KALRN: variants seen among roughly 807,000 people sequenced by gnomAD.
The protein encoded by KALRN is kalirin.
KALRN carries 70 observed loss-of-function variants against 353.7 expected under a neutral mutation model. That is an observed-to-expected ratio of 0.20 (90% CI 0.16 to 0.24). The LOEUF (loss-of-function observed/expected upper bound fraction) is 0.24, where lower values mean the gene tolerates loss of function less well. Among genes scored for constraint, KALRN ranks in the 10% least tolerant of loss-of-function variants. KALRN has a pLI of 1.00. For synonymous variants in KALRN, 1,391 were observed against 1,434.8 expected (o/e 0.97, Z 0.69); for missense variants, 2,791 against 3,756.7 (o/e 0.74, Z 6.72).
rs1469504946 is a variant in KALRN, at chr3:124,725,003, A to G, written c.*5533A>G. 6.6e-6 allele frequency: 1 copy of G among 152,254 alleles called. No individual in the cohort carries two copies. Among genetic ancestry groups the G allele is most frequent in the Non-Finnish European group, 1.5e-5 (1 of 68,050 alleles). The allele number at this position is 152,254 out of a possible 1,614,324, so 9.4% of individuals were successfully genotyped here. A position where few individuals can be genotyped will look rare whatever the true frequency, so the allele number is the denominator to read the frequency against. On this transcript the variant is annotated 3_prime_UTR_variant, in exon 60 of 60. Coordinates refer to ENST00000682506, the MANE Select transcript of KALRN (RefSeq NM_001388419.1). Reference sequence around the variant, plus strand: ...AACTGCTATTTCAGATAGTGAGGTTAGCTGAGAAAAGGAAGCATGGTAGAA... The same window carrying G: ...AACTGCTATTTCAGATAGTGAGGTTGGCTGAGAAAAGGAAGCATGGTAGAA...
At chr3:124,651,008 G>T in intron 38 of KALRN, 70 bp downstream of exon 38, 1 of 1,577,124 alleles carries the variant, frequency 6.3e-7, no homozygotes, top group Non-Finnish European at 8.6e-7. Flanking sequence ...AAAGGTTGGG[G>T]AAAATTCGAG....
chr3:124,293,996 C>T (rs112525201), intron 5 of KALRN, among the ~76,000 whole-genome samples: 1 of 151,950 alleles, frequency 6.6e-6, no homozygotes, highest in South Asian at 2.1e-4. Context: ...TCAGCCATCC[C>T]CAGACACCTG....
intron 3 of KALRN, among the ~76,000 whole-genome samples, chr3:124,240,720 G>C (rs2080332350): frequency 6.6e-6 from 1 of 152,122 alleles, no homozygotes; most frequent in African/African-American, 2.4e-5. Context: ...GGGTAGTGGA[G>C]AGAAGATACA....
intron 33 of KALRN, among the ~76,000 whole-genome samples, chr3:124,531,041 G>A (rs936374576): frequency 6.6e-6 from 1 of 152,090 alleles, no homozygotes; most frequent in Non-Finnish European, 1.5e-5. Flanking sequence ...AGGCCCTCAG[G>A]GATTCTCTGG....
intron 34 of KALRN, among the ~76,000 whole-genome samples, chr3:124,615,569 T>C (rs1415707678): frequency 1.3e-5 from 2 of 152,200 alleles, no homozygotes; most frequent in Admixed American, 1.3e-4. Flanking sequence ...AATGTTAACA[T>C]TGGAGGAATC....
intron 1 of KALRN, among the ~76,000 whole-genome samples, chr3:124,204,853 C>G (rs144084447): frequency 1.3e-5 from 2 of 152,292 alleles, no homozygotes; most frequent in East Asian, 3.9e-4. Context: ...GCCTCCCCAC[C>G]TAAAACTAGT....
intron 1 of KALRN, among the ~76,000 whole-genome samples, chr3:124,149,586 A>T (rs115799549): frequency 0.019 from 2,914 of 152,242 alleles, 108 homozygotes; most frequent in African/African-American, 0.066. Context: ...GCACATGACA[A>T]ATATGTTCTA....
intron 47 of KALRN, among the ~76,000 whole-genome samples, chr3:124,668,569 C>T (rs73195544): frequency 0.028 from 4,244 of 152,246 alleles, 81 homozygotes; most frequent in East Asian, 0.079. Context: ...CAGGATGCCA[C>T]GACTTTTTAA....
intron 17 of KALRN, among the ~76,000 whole-genome samples, chr3:124,436,926 T>A (rs748672264): frequency 2.0e-4 from 28 of 139,694 alleles, no homozygotes; most frequent in African/African-American, 1.6e-4. Context: ...TCACCTCAAG[T>A]TTGGTGACAG....
chr3:124,703,046 A>G (rs558359082), intron 57 of KALRN, among the ~76,000 whole-genome samples: 1 of 152,274 alleles, frequency 6.6e-6, no homozygotes, highest in South Asian at 2.1e-4. Flanking sequence ...TTCCCCCCGG[A>G]TGTATAAATA....
rs558770212 is a variant in KALRN at position 124,616,281 on chromosome 3, A to C, written c.5183-16139A>C. ...CTCTATAATTAAGCCTGTTGCAGTT[A>C]CCTTTGGTTAAGGTTACTACTGAAG... On this transcript the variant is annotated intron_variant, in intron 34 of 59. Coordinates refer to ENST00000682506, the MANE Select transcript of KALRN (RefSeq NM_001388419.1). Among the ~76,000 whole-genome samples, 8 of 152,250 alleles carry C rather than the reference A, an allele frequency of 5.3e-5. No homozygotes were observed. In the South Asian group the frequency reaches 1.7e-3, roughly 32 times the overall value.
intron 1 of KALRN, among the ~76,000 whole-genome samples, chr3:124,036,180 C>G (rs1349869754): frequency 6.6e-6 from 1 of 152,030 alleles, no homozygotes; most frequent in East Asian, 1.9e-4. Flanking sequence ...AAGCATAGTA[C>G]CTGATAGGTA....
At chr3:124,600,829 G>A (rs1429813248) in intron 34 of KALRN, among the ~76,000 whole-genome samples, 1 of 152,182 alleles carries the variant, frequency 6.6e-6, no homozygotes, top group African/African-American at 2.4e-5. Context: ...TTTCCAAAAT[G>A]CCCCAGCTCG....
chr3:124,151,203 G>A (rs2068064516), intron 1 of KALRN, among the ~76,000 whole-genome samples: 1 of 152,114 alleles, frequency 6.6e-6, no homozygotes, highest in East Asian at 1.9e-4. Context: ...ATATACCTAA[G>A]GGGAAATACC....
chr3:124,706,530 G>C (rs751683230), intron 57 of KALRN, among the ~76,000 whole-genome samples: 1 of 152,054 alleles, frequency 6.6e-6, no homozygotes, highest in African/African-American at 2.4e-5. Flanking sequence ...AAGGTGACAG[G>C]CTTCACCCAC....
At chr3:124,411,459 T>TTTTC (rs2092151005) in intron 13 of KALRN, among the ~76,000 whole-genome samples, 1 of 130,642 alleles carries the variant, frequency 7.7e-6, no homozygotes, top group African/African-American at 3.1e-5. Context: ...TTTTTTTTTT[T>TTTTC]TTAAGAAACA....
Position 124,582,478 on chromosome 3 carries a change from A to T in KALRN, c.5182+19389A>T, listed in dbSNP as rs867588004. 1.4e-4 allele frequency among the ~76,000 whole-genome samples: 21 copies of T among 152,180 alleles called. No homozygotes were observed. The Middle Eastern group carries it at 0.01, about 74-fold the overall frequency. ...AGCAGAACTAGAGGGTAGATTTTTG[A>T]CTTTATGTTCTACTGTTCCAAAGGG... is the stretch of plus-strand genomic sequence containing the variant. On this transcript the variant is annotated intron_variant, in intron 34 of 59. Coordinates refer to ENST00000682506, the MANE Select transcript of KALRN (RefSeq NM_001388419.1).
At chr3:124,347,931 G>A (rs2082441719) in intron 10 of KALRN, among the ~76,000 whole-genome samples, 2 of 152,194 alleles carry the variant, frequency 1.3e-5, no homozygotes, top group African/African-American at 4.8e-5. Flanking sequence ...ATACAAAGAT[G>A]TTGTATGACA....
At chr3:124,188,371 G>C (rs1190045751) in intron 1 of KALRN, among the ~76,000 whole-genome samples, 2 of 152,208 alleles carry the variant, frequency 1.3e-5, no homozygotes, top group Non-Finnish European at 2.9e-5. Context: ...GTGCGCAAGG[G>C]TGGTGGAGGA....
Sources: allele counts gnomAD v4.1 joint callset (sites outside exome capture counted in the v4.1 genomes callset), GRCh38; gene constraint gnomAD v4.1.1; transcripts MANE v1.5; gene names NCBI Gene and HGNC (gene_info 2026-07-23, HGNC 2026-07-21).